The following LZTS1 variants were observed in gnomAD, a reference collection of about 807,000 sequenced individuals.
The protein encoded by LZTS1 is leucine zipper putative tumor suppressor 1.
A neutral mutation model predicts 45.8 loss-of-function variants in LZTS1; 31 were observed. The ratio of observed to expected loss-of-function variants is 0.68; its 90% CI spans 0.51 to 0.91. LZTS1 has a LOEUF of 0.91. LZTS1 is among the 40% of genes least tolerant of loss of function. LZTS1 has a pLI of 0.00. For synonymous variants in LZTS1, 359 were observed against 357.3 expected (o/e 1.00, Z -0.05); for missense variants, 821 against 788.9 (o/e 1.04, Z -0.49).
chr8:20,267,699 G>A (rs997365335), intron 1 of LZTS1, among the ~76,000 whole-genome samples: 1 of 151,994 alleles, frequency 6.6e-6, no homozygotes, highest in African/African-American at 2.4e-5. Context: ...TTTATTTTCA[G>A]TAGAGACGGG....
At chr8:20,267,485 A>G (rs955524529) in intron 1 of LZTS1, among the ~76,000 whole-genome samples, 4 of 152,174 alleles carry the variant, frequency 2.6e-5, no homozygotes, top group African/African-American at 9.7e-5. Flanking sequence ...GGAAACCATC[A>G]GTCATCATTC....
chr8:20,273,908 A>T (rs1381279539), intron 1 of LZTS1, among the ~76,000 whole-genome samples: 1 of 151,914 alleles, frequency 6.6e-6, no homozygotes, highest in Non-Finnish European at 1.5e-5. Flanking sequence ...GTCATCCGCC[A>T]CCACTTCCTC....
intron 1 of LZTS1, among the ~76,000 whole-genome samples, chr8:20,301,025 G>A (rs758690980): frequency 1.3e-5 from 2 of 151,340 alleles, no homozygotes; most frequent in Admixed American, 6.6e-5. Context: ...TGAGGGTGAG[G>A]CAGGAGAACT....
rs751148236 is a variant in LZTS1, at chr8:20,250,072, G to C, written c.1441C>G (p.Gln481Glu). 1 of 1,607,102 alleles carries C rather than the reference G, an allele frequency of 6.2e-7. No individual in the cohort carries two copies. Among genetic ancestry groups the C allele is most frequent in the African/African-American group, 1.3e-5 (1 of 74,874 alleles). ...CCCATGTCGCGGGCCAGGGCGGCCT[G>C]GGCCCGCAGCTCCTGCAGCTCCTGC... Reference protein sequence around the residue: ...LEQELQELRAQAALARDMGPP... With the variant: ...LEQELQELRAEAALARDMGPP... The change falls in exon 4 of 4, where the codon CAG becomes GAG. Residue 481 changes from glutamine to glutamate, a missense_variant. Physicochemically the swap from Gln to Glu is conservative, Grantham distance 29 (BLOSUM62 2). Transcript: ENST00000381569.
intron 1 of LZTS1, among the ~76,000 whole-genome samples, chr8:20,291,486 T>C (rs1157841924): frequency 1.3e-5 from 2 of 152,210 alleles, no homozygotes; most frequent in Non-Finnish European, 2.9e-5. Context: ...CATATAATTT[T>C]CATAAAAATT....
chr8:20,268,402 C>T (rs1181039190), intron 1 of LZTS1, among the ~76,000 whole-genome samples: 3 of 152,080 alleles, frequency 2.0e-5, no homozygotes, highest in Middle Eastern at 3.4e-3. Flanking sequence ...ATGATTCTCC[C>T]CGTTCCCCCT....
intron 1 of LZTS1, among the ~76,000 whole-genome samples, chr8:20,270,064 C>A (rs1260133911): frequency 6.6e-6 from 1 of 152,244 alleles, no homozygotes; most frequent in African/African-American, 2.4e-5. Flanking sequence ...CAAGACCAGG[C>A]GTCCCAGGCA....
intron 1 of LZTS1, among the ~76,000 whole-genome samples, chr8:20,266,481 C>A (rs980467329): frequency 6.6e-6 from 1 of 152,142 alleles, no homozygotes; most frequent in Admixed American, 6.5e-5. Flanking sequence ...ACTACCAGAA[C>A]CCAAATCTGG....
chr8:20,256,849 G>A (rs1382553815), intron 1 of LZTS1, among the ~76,000 whole-genome samples: 3 of 152,146 alleles, frequency 2.0e-5, no homozygotes, highest in Non-Finnish European at 4.4e-5. Context: ...AGAGCTGGGA[G>A]TGTGGAAGTG....
chr8:20,253,192 T>C lies in LZTS1; in HGVS notation c.739A>G (p.Lys247Glu), dbSNP rs747845715. 1.9e-6 allele frequency: 3 copies of C among 1,613,676 alleles called. No individual in the cohort carries two copies. Among genetic ancestry groups the C allele is most frequent in the South Asian group, 1.1e-5 (1 of 91,088 alleles). The change falls in exon 3 of 4, where the codon AAG (lysine) becomes GAG (glutamate). Residue 247 changes from lysine to glutamate, a missense_variant. Coordinates refer to ENST00000381569, the MANE Select transcript of LZTS1 (RefSeq NM_021020.5). ...SKLGHSNKAD[K>E]GPSCVRSPIS... ...GGGGAGCGGACACACGAGGGGCCCTTGTCTGCCTTGTTCGAGTGGCCCAGC... is the reference window on the plus strand; with the variant it reads ...GGGGAGCGGACACACGAGGGGCCCTCGTCTGCCTTGTTCGAGTGGCCCAGC...
chr8:20,250,412 C>A (rs755171855), intron 3 of LZTS1, 49 bp from the exon 4 acceptor site: 1 of 1,513,274 alleles, frequency 6.6e-7, no homozygotes, highest in East Asian at 2.3e-5. Context: ...AGTGTCCTTA[C>A]CCAGGGAAGT....
At chr8:20,257,559 G>A (rs191212207) in intron 1 of LZTS1, among the ~76,000 whole-genome samples, 56 of 152,158 alleles carry the variant, frequency 3.7e-4, no homozygotes, top group Non-Finnish European at 6.0e-4. Context: ...GTACCCAGCC[G>A]ACTTGGTGTG....
Position 20,272,878 on chromosome 8 carries a change from A to T in LZTS1, c.-134-17563T>A, listed in dbSNP as rs141220810. 2.9e-3 allele frequency among the ~76,000 whole-genome samples: 440 copies of T among 152,256 alleles called. 5 individuals carry two copies. Among genetic ancestry groups the T allele is most frequent in the Admixed American group, 0.023 (355 of 15,294 alleles). On this transcript the variant is annotated intron_variant, in intron 1 of 3. Transcript: ENST00000381569. ...ATTATTCTCTCCCATGAGCATTTAAACGTGCACAAGTCTCCCAATTCAAAA... is the reference window on the plus strand; with the variant it reads ...ATTATTCTCTCCCATGAGCATTTAATCGTGCACAAGTCTCCCAATTCAAAA...
chr8:20,288,842 C>T (rs1800845151), intron 1 of LZTS1, among the ~76,000 whole-genome samples: 1 of 152,066 alleles, frequency 6.6e-6, no homozygotes, highest in South Asian at 2.1e-4. Flanking sequence ...AATCCTCTTC[C>T]CCCAAGTCTT....
At position 20,270,153 on chromosome 8, in the gene LZTS1, G is replaced by A. The variant is rs141739608; in HGVS notation, c.-134-14838C>T. 2.6e-3 allele frequency among the ~76,000 whole-genome samples: 398 copies of A among 152,372 alleles called. 1 individual carries two copies. Among genetic ancestry groups the A allele is most frequent in the African/African-American group, 9.0e-3 (376 of 41,588 alleles). Reference sequence around the variant, plus strand: ...GTTAAGGCCAGCGATGCTTCAGTGCGCCGCGAGGCCCACAGAGCGTAGGTG... The same window carrying A: ...GTTAAGGCCAGCGATGCTTCAGTGCACCGCGAGGCCCACAGAGCGTAGGTG... On this transcript the variant is annotated intron_variant, in intron 1 of 3. Coordinates refer to ENST00000381569, the MANE Select transcript of LZTS1 (RefSeq NM_021020.5).
At chr8:20,251,152 ATATAAAG>A in intron 3 of LZTS1, among the ~76,000 whole-genome samples, 2 of 100,880 alleles carry the variant, frequency 2.0e-5, no homozygotes, top group African/African-American at 3.3e-5. Flanking sequence ...TATATATAAA[ATATAAAG>A]TATAAGAGTA....
intron 1 of LZTS1, among the ~76,000 whole-genome samples, chr8:20,284,106 A>G (rs1800745148): frequency 6.6e-6 from 1 of 152,098 alleles, no homozygotes; most frequent in Non-Finnish European, 1.5e-5. Flanking sequence ...TGTGGTCTTG[A>G]GTGAGTCATT....
chr8:20,270,796 C>CGTGT (rs1563878261), intron 1 of LZTS1, among the ~76,000 whole-genome samples: 1 of 114,174 alleles, frequency 8.8e-6, no homozygotes, highest in Admixed American at 8.9e-5. Context: ...CCGAGTGTGT[C>CGTGT]CTCTGTGTGT....
chr8:20,255,364 G>C, intron 1 of LZTS1, 49 bp from the exon 2 acceptor site: 3 of 1,319,908 alleles, frequency 2.3e-6, no homozygotes, highest in Non-Finnish European at 3.0e-6. Context: ...AGTGGTCACA[G>C]CACAGTGCTG....
Sources: gnomAD v4.1 joint callset for allele counts (sites outside exome capture counted in the v4.1 genomes callset) on GRCh38, gnomAD v4.1.1 for gene constraint, MANE v1.5 for transcripts, NCBI Gene and HGNC (gene_info 2026-07-23, HGNC 2026-07-21) for gene names.